The following SLC24A3 variants were observed in gnomAD, a reference collection of about 807,000 sequenced individuals.
SLC24A3 encodes solute carrier family 24 member 3.
Under a neutral mutation model 75.8 loss-of-function variants are expected in SLC24A3, and 28 were observed. The ratio of observed to expected loss-of-function variants is 0.37; its 90% confidence interval spans 0.27 to 0.51. The LOEUF (loss-of-function observed/expected upper bound fraction) is 0.51, where lower values mean the gene tolerates loss of function less well. Ranked by LOEUF, SLC24A3 falls within the 20% of genes least tolerant of loss-of-function variation. The pLI is 0.94. For missense variants in SLC24A3, 663 were observed against 847.8 expected (o/e 0.78, Z 2.71); for synonymous variants, 372 against 334.1 (o/e 1.11, Z -1.24).
At chr20:19,634,972 G>GA (rs763142250) in intron 6 of SLC24A3, among the ~76,000 whole-genome samples, 1 of 152,284 alleles carries the variant, frequency 6.6e-6, no homozygotes, top group East Asian at 1.9e-4. Context: ...GTATGTTTAG[G>GA]AAAAAGATAT....
chr20:19,221,986 G>A (rs1055132648), intron 1 of SLC24A3, among the ~76,000 whole-genome samples: 3 of 152,042 alleles, frequency 2.0e-5, no homozygotes, highest in Admixed American at 6.5e-5. Flanking sequence ...TTGGGTGTTT[G>A]ACTTCCTGGA....
chr20:19,400,493 G>A (rs1986532108), intron 2 of SLC24A3, among the ~76,000 whole-genome samples: 1 of 152,136 alleles, frequency 6.6e-6, no homozygotes, highest in Non-Finnish European at 1.5e-5. Context: ...TGAGTGCCGG[G>A]CGCTGTGACC....
chr20:19,432,275 TA>T (rs1176512066), intron 2 of SLC24A3, among the ~76,000 whole-genome samples: 30 of 40,210 alleles, frequency 7.5e-4, no homozygotes, highest in African/African-American at 7.2e-3. Flanking sequence ...ATCTGTTTTA[TA>T]TATATATATA....
rs146193072 is a variant in SLC24A3 at position 19,367,642 on chromosome 20, G to A, written c.271+86555G>A. ...GTGGTCTCCCTGCCTTCTGTTTACC[G>A]TCTACTAAGCCACACCTTACTTGGG... On this transcript the variant is annotated intron_variant, in intron 2 of 16. Coordinates refer to ENST00000328041, the MANE Select transcript of SLC24A3 (RefSeq NM_020689.4). 2.8e-4 allele frequency among the ~76,000 whole-genome samples: 42 copies of A among 152,230 alleles called. No individual in the cohort carries two copies. The East Asian group carries it at 3.9e-3, about 14-fold the overall frequency.
chr20:19,713,161 G>A (rs1271348129), intron 15 of SLC24A3, among the ~76,000 whole-genome samples: 1 of 152,218 alleles, frequency 6.6e-6, no homozygotes, highest in Non-Finnish European at 1.5e-5. Flanking sequence ...TTAATGAGAT[G>A]CAGGCAGGAG....
chr20:19,680,335 T>A lies in SLC24A3; in HGVS notation c.768-1523T>A, dbSNP rs1401392451. ...TCCCTTGGCCTATGTGTTTCCTATATGTCTGTAATTGATCTGATTCAGGCT... is the reference window on the plus strand; with the variant it reads ...TCCCTTGGCCTATGTGTTTCCTATAAGTCTGTAATTGATCTGATTCAGGCT... On this transcript the variant is annotated intron_variant, in intron 9 of 16. Coordinates refer to ENST00000328041, the MANE Select transcript of SLC24A3 (RefSeq NM_020689.4). 2.6e-5 allele frequency among the ~76,000 whole-genome samples: 4 copies of A among 152,200 alleles called. No individual in the cohort carries two copies. The East Asian group carries it at 5.8e-4, about 22-fold the overall frequency.
intron 15 of SLC24A3, among the ~76,000 whole-genome samples, chr20:19,716,741 T>C (rs551723250): frequency 6.6e-6 from 1 of 152,024 alleles, no homozygotes; most frequent in African/African-American, 2.4e-5. Context: ...ATCAGCCAGG[T>C]GTGATGGTGT....
At chr20:19,707,427 C>T (rs536051761) in intron 15 of SLC24A3, among the ~76,000 whole-genome samples, 34 of 152,268 alleles carry the variant, frequency 2.2e-4, no homozygotes, top group African/African-American at 7.0e-4. Flanking sequence ...GCTGTTCATG[C>T]GGAAGTAAGT....
chr20:19,249,502 C>G (rs961893207), intron 1 of SLC24A3, among the ~76,000 whole-genome samples: 4 of 152,220 alleles, frequency 2.6e-5, no homozygotes, highest in Admixed American at 2.6e-4. Flanking sequence ...CGGTCAGCTG[C>G]TTCTTCTCTA....
chr20:19,481,308 G>A (rs910979712), intron 2 of SLC24A3, among the ~76,000 whole-genome samples: 6 of 152,158 alleles, frequency 3.9e-5, no homozygotes, highest in African/African-American at 9.7e-5. Context: ...CTGGACACCC[G>A]TTTTAGCACT....
chr20:19,453,747 C>T (rs770523733), intron 2 of SLC24A3, among the ~76,000 whole-genome samples: 8 of 152,194 alleles, frequency 5.3e-5, no homozygotes, highest in Non-Finnish European at 1.2e-4. Context: ...TTCTGCAGCA[C>T]TCTAGCATGG....
chr20:19,428,120 G>A (rs960606323), intron 2 of SLC24A3, among the ~76,000 whole-genome samples: 16 of 152,130 alleles, frequency 1.1e-4, no homozygotes, highest in Admixed American at 4.6e-4. Flanking sequence ...ACTGTGTCTC[G>A]TGCACATTCC....
intron 2 of SLC24A3, among the ~76,000 whole-genome samples, chr20:19,477,662 A>G (rs906795683): frequency 2.0e-5 from 3 of 152,138 alleles, no homozygotes; most frequent in African/African-American, 7.2e-5. Flanking sequence ...TGGCAGTGCT[A>G]TCCTGGCATG....
intron 10 of SLC24A3, among the ~76,000 whole-genome samples, chr20:19,682,483 G>A (rs1258936355): frequency 1.3e-5 from 2 of 152,076 alleles, no homozygotes; most frequent in Non-Finnish European, 2.9e-5. Flanking sequence ...GCCCCTTAGA[G>A]CTCAGAAAGC....
intron 3 of SLC24A3, among the ~76,000 whole-genome samples, chr20:19,575,052 C>T (rs917756859): frequency 6.6e-6 from 1 of 151,808 alleles, no homozygotes; most frequent in African/African-American, 2.4e-5. Context: ...GAGTTTGAGA[C>T]CAGCCTGGGC....
chr20:19,434,851 G>T (rs975819152), intron 2 of SLC24A3, among the ~76,000 whole-genome samples: 1 of 151,996 alleles, frequency 6.6e-6, no homozygotes, highest in Non-Finnish European at 1.5e-5. Context: ...CTGAAGGGAA[G>T]GAACTCTTTC....
In SLC24A3 at chr20:19,600,391, A is replaced by G. The variant is rs112420850; in HGVS notation, c.612+14847A>G. On this transcript the variant is annotated intron_variant, in intron 6 of 16. Coordinates refer to ENST00000328041, the MANE Select transcript of SLC24A3 (RefSeq NM_020689.4). ...TCAAAAAAGTCAGCTCTGCAATTTC[A>G]TGTAAAGAAACAAGAATATCATGAT... 6.5e-3 allele frequency among the ~76,000 whole-genome samples: 995 copies of G among 152,324 alleles called. 13 individuals are homozygous for G. Among genetic ancestry groups the G allele is most frequent in the African/African-American group, 0.023 (952 of 41,558 alleles).
intron 2 of SLC24A3, among the ~76,000 whole-genome samples, chr20:19,379,877 T>C (rs1273488539): frequency 6.6e-6 from 1 of 152,236 alleles, no homozygotes; most frequent in African/African-American, 2.4e-5. Flanking sequence ...CGTATTCTTA[T>C]AGAATTGCTA....
chr20:19,287,165 A>T (rs780504367), intron 2 of SLC24A3, among the ~76,000 whole-genome samples: 3 of 152,244 alleles, frequency 2.0e-5, no homozygotes, highest in Non-Finnish European at 4.4e-5. Flanking sequence ...GTTCTAGTCT[A>T]TAGTTGCACC....
Sources: allele counts gnomAD v4.1 joint callset (sites outside exome capture counted in the v4.1 genomes callset), GRCh38; gene constraint gnomAD v4.1.1; transcripts MANE v1.5; gene names NCBI Gene and HGNC (gene_info 2026-07-23, HGNC 2026-07-21).